Variants in ZNF439 observed in about 807,000 individuals in gnomAD.
ZNF439 encodes zinc finger protein 439.
In ZNF439, 40 loss-of-function variants were observed where a neutral mutation model predicts 47.3. The ratio of observed to expected loss-of-function variants is 0.85; its 90% CI spans 0.66 to 1.10. ZNF439 has a LOEUF of 1.10. Among genes scored for constraint, ZNF439 ranks in the 50% least tolerant of loss-of-function variants. The pLI, the probability that ZNF439 is intolerant of heterozygous loss-of-function variation, is 0.00. For synonymous variants in ZNF439, 171 were observed against 198.8 expected (o/e 0.86, Z 1.18); for missense variants, 556 against 601.1 (o/e 0.93, Z 0.78).
intron 1 of ZNF439, among the ~76,000 whole-genome samples, chr19:11,865,500 C>T (rs190067488): frequency 7.3e-4 from 110 of 150,218 alleles, no homozygotes; most frequent in African/African-American, 2.7e-3. Flanking sequence ...ACCCTTCCTG[C>T]TCTTGGCTAG....
chr19:11,865,712 CAAAAAAAAAAA>C (rs71166640), intron 1 of ZNF439, among the ~76,000 whole-genome samples: 16 of 82,024 alleles, frequency 2.0e-4, no homozygotes, highest in African/African-American at 6.8e-4. Flanking sequence ...TACACTATCA[CAAAAAAAAAAA>C]AAAAAAAAAA....
chr19:11,867,566 C>G lies in ZNF439; in HGVS notation c.512C>G (p.Ala171Gly). Residue 171 changes from alanine to glycine, a missense_variant, in exon 4 of 4, where the codon GCC (alanine) becomes GGC (glycine). Transcript: ENST00000682736. ...KPWKSQQPKK[A>G]FRYHPSLRTQ... ...TGGAAGAGTCAACAACCTAAAAAAG[C>G]CTTCAGATATCACCCCTCCTTGAGA... 1 of 1,614,116 alleles carries G rather than the reference C, an allele frequency of 6.2e-7. No individual in the cohort carries two copies. The highest frequency in any genetic ancestry group is 1.7e-5 in the Admixed American group (1 of 60,016).
At chr19:11,854,196 T>A (rs983545424) in intron 1 of ZNF439, among the ~76,000 whole-genome samples, 2 of 152,212 alleles carry the variant, frequency 1.3e-5, no homozygotes, top group African/African-American at 4.8e-5. Context: ...TAGCCACACT[T>A]GGTTGGCTGT....
intron 1 of ZNF439, among the ~76,000 whole-genome samples, chr19:11,859,083 G>C (rs72994204): frequency 6.6e-6 from 1 of 152,174 alleles, no homozygotes; most frequent in Non-Finnish European, 1.5e-5. Flanking sequence ...AGGTGCTAGT[G>C]CACATTTACA....
At chr19:11,859,885 T>G (rs756094669) in intron 1 of ZNF439, among the ~76,000 whole-genome samples, 1 of 152,170 alleles carries the variant, frequency 6.6e-6, no homozygotes, top group Non-Finnish European at 1.5e-5. Flanking sequence ...TTCTTTCAGA[T>G]TTTTAGACTC....
intron 1 of ZNF439, among the ~76,000 whole-genome samples, chr19:11,862,124 G>C (rs974841425): frequency 6.6e-6 from 1 of 151,690 alleles, no homozygotes; most frequent in Non-Finnish European, 1.5e-5. Flanking sequence ...TTAGAGACAG[G>C]GTCACAAACT....
chr19:11,868,986 T>G lies in ZNF439; in HGVS notation c.*417T>G, dbSNP rs1240012609. 1 of 302,892 alleles carries G rather than the reference T, an allele frequency of 3.3e-6. No homozygotes were observed. 18.8% of individuals were successfully genotyped at this position (302,892 alleles called of 1,614,324 possible). On this transcript the variant is annotated 3_prime_UTR_variant, in exon 4 of 4. Transcript: ENST00000682736. ...CACACACTGGAGAGAAACCTATGAA[T>G]GTAAGGAATGCAAACAAGCATTCAA...
chr19:11,850,688 G>A (rs1301412963), intron 1 of ZNF439: 1 of 152,160 alleles, frequency 6.6e-6, no homozygotes, highest in Non-Finnish European at 1.5e-5. Context: ...TCTCACACAG[G>A]AAGGAATTCA....
chr19:11,867,076 A>C (rs952331906), intron 3 of ZNF439, among the ~76,000 whole-genome samples: 14 of 152,216 alleles, frequency 9.2e-5, no homozygotes, highest in African/African-American at 3.4e-4. Context: ...ATTTTAAAAT[A>C]GTTTACATGG....
chr19:11,868,727 ACT>A lies in ZNF439; in HGVS notation c.*161_*162del. ...CTAAAAGGACTCACAGTGGAGAAAA[ACT>A]CTATGAGTGTAAGCAATGTGGGAAA... On this transcript the variant is annotated 3_prime_UTR_variant, in exon 4 of 4. Transcript: ENST00000682736. 1 of 821,228 alleles carries A rather than the reference ACT, an allele frequency of 1.2e-6. No homozygotes were observed. Among genetic ancestry groups the A allele is most frequent in the South Asian group, 1.7e-5 (1 of 59,540 alleles). 50.9% of individuals were successfully genotyped at this position (821,228 alleles called of 1,614,324 possible).
chr19:11,863,412 A>T (rs1403550262), intron 1 of ZNF439, among the ~76,000 whole-genome samples: 1 of 152,090 alleles, frequency 6.6e-6, no homozygotes, highest in African/African-American at 2.4e-5. Context: ...TACCCTCCTC[A>T]GCCTCCCAAA....
At chr19:11,853,484 CA>C (rs1305731154) in intron 1 of ZNF439, among the ~76,000 whole-genome samples, 1 of 152,088 alleles carries the variant, frequency 6.6e-6, no homozygotes, top group Admixed American at 6.6e-5. Flanking sequence ...TGATTTAGAG[CA>C]GGCCTGCATG....
chr19:11,867,265 T>C (rs1976711088), intron 3 of ZNF439, 41 bp from the exon 4 acceptor site: 8 of 1,581,656 alleles, frequency 5.1e-6, no homozygotes, highest in Non-Finnish European at 6.8e-6. Context: ...TAAAATTACT[T>C]ATAAACAAAC....
intron 1 of ZNF439, among the ~76,000 whole-genome samples, chr19:11,865,103 A>G (rs1047465303): frequency 6.6e-6 from 1 of 152,130 alleles, no homozygotes; most frequent in African/African-American, 2.4e-5. Flanking sequence ...CTAAGACTAA[A>G]TAATATTCCA....
rs147063188 is a variant in ZNF439 at position 11,864,602 on chromosome 19, C to T, written c.64-1603C>T. On this transcript the variant is annotated intron_variant, in intron 1 of 3. Transcript: ENST00000682736. ...ATAAGCCAACACGCCTGGCTGCTACCGTGATTTGTTATCAATACTTACTAT... is the reference window on the plus strand; with the variant it reads ...ATAAGCCAACACGCCTGGCTGCTACTGTGATTTGTTATCAATACTTACTAT... 2.0e-3 allele frequency among the ~76,000 whole-genome samples: 302 copies of T among 151,890 alleles called. 4 individuals are homozygous for T. Among genetic ancestry groups the T allele is most frequent in the African/African-American group, 7.0e-3 (290 of 41,424 alleles).
chr19:11,867,255 T>C, intron 3 of ZNF439, 51 bp from the exon 4 acceptor site: 1 of 1,571,624 alleles, frequency 6.4e-7, no homozygotes, highest in Non-Finnish European at 8.6e-7. Context: ...CTGATTAATA[T>C]AAAATTACTT....
chr19:11,861,117 T>C (rs1489216393), intron 1 of ZNF439, among the ~76,000 whole-genome samples: 1 of 152,204 alleles, frequency 6.6e-6, no homozygotes, highest in Non-Finnish European at 1.5e-5. Flanking sequence ...CCTCAAATCC[T>C]CCACCCTCAT....
intron 1 of ZNF439, among the ~76,000 whole-genome samples, chr19:11,862,901 GC>G: frequency 6.7e-6 from 1 of 149,682 alleles, no homozygotes; most frequent in East Asian, 2.0e-4. Context: ...GGCATGTACC[GC>G]CATGCCCAGC....
intron 1 of ZNF439, among the ~76,000 whole-genome samples, chr19:11,860,769 T>G (rs1432725647): frequency 6.6e-6 from 1 of 152,122 alleles, no homozygotes; most frequent in Non-Finnish European, 1.5e-5. Context: ...CAGGCCTGCA[T>G]GACTGCATTC....
Sources: gnomAD v4.1 joint callset for allele counts (sites outside exome capture counted in the v4.1 genomes callset) on GRCh38, gnomAD v4.1.1 for gene constraint, MANE v1.5 for transcripts, NCBI Gene and HGNC (gene_info 2026-07-23, HGNC 2026-07-21) for gene names.